Variants in GPC5 observed in about 807,000 individuals in gnomAD.
GPC5 encodes the protein glypican 5.
A neutral mutation model predicts 53.9 loss-of-function variants in GPC5; 47 were observed. The observed-to-expected ratio is 0.87, with a 90% CI of 0.69 to 1.11. The LOEUF is 1.11. Ranked by LOEUF, GPC5 falls within the 50% of genes most tolerant of loss-of-function variation. The pLI, the probability that GPC5 is intolerant of heterozygous loss-of-function variation, is 0.00. For missense variants in GPC5, 748 were observed against 713.1 expected (o/e 1.05, Z -0.56); for synonymous variants, 286 against 263.3 (o/e 1.09, Z -0.84).
chr13:91,488,993 G>C (rs496952), intron 2 of GPC5, among the ~76,000 whole-genome samples: 62,256 of 152,052 alleles, frequency 0.41, 14,370 homozygotes, highest in Non-Finnish European at 0.52. Flanking sequence ...CTGGTCTCCT[G>C]TAGCACTCCC....
chr13:92,131,806 C>T (rs549778551), intron 6 of GPC5, among the ~76,000 whole-genome samples: 2 of 151,782 alleles, frequency 1.3e-5, no homozygotes, highest in East Asian at 3.9e-4. Flanking sequence ...AAGGAGTATA[C>T]TTAAGATCTG....
intron 5 of GPC5, among the ~76,000 whole-genome samples, chr13:91,803,340 A>T (rs1430360740): frequency 6.6e-6 from 1 of 152,198 alleles, no homozygotes; most frequent in African/African-American, 2.4e-5. Flanking sequence ...TTGTATTTTA[A>T]TATTTTTGTA....
chr13:92,500,701 A>T (rs1036391283), intron 7 of GPC5, among the ~76,000 whole-genome samples: 2 of 152,174 alleles, frequency 1.3e-5, no homozygotes, highest in African/African-American at 4.8e-5. Context: ...CTATCCAAGG[A>T]AGAGGCATCA....
At chr13:91,974,409 A>C (rs1212469679) in intron 6 of GPC5, among the ~76,000 whole-genome samples, 2 of 152,124 alleles carry the variant, frequency 1.3e-5, no homozygotes, top group African/African-American at 4.8e-5. Context: ...CTGATAAGCA[A>C]CTTCAGCAAA....
chr13:91,512,202 C>T (rs1885266258), intron 2 of GPC5, among the ~76,000 whole-genome samples: 1 of 152,172 alleles, frequency 6.6e-6, no homozygotes, highest in Non-Finnish European at 1.5e-5. Flanking sequence ...TACCAAAGTT[C>T]ACGAGGCTAA....
intron 6 of GPC5, among the ~76,000 whole-genome samples, chr13:91,919,649 G>A (rs577136516): frequency 6.6e-6 from 1 of 152,054 alleles, no homozygotes; most frequent in African/African-American, 2.4e-5. Flanking sequence ...GCGAAAGACA[G>A]GCGTGTATTG....
chr13:92,254,774 A>G (rs1057179033), intron 7 of GPC5, among the ~76,000 whole-genome samples: 1 of 152,152 alleles, frequency 6.6e-6, no homozygotes, highest in African/African-American at 2.4e-5. Flanking sequence ...AAAGTCCCTT[A>G]TAAAACCATC....
chr13:91,841,285 T>C (rs1166237946), intron 5 of GPC5, among the ~76,000 whole-genome samples: 1 of 151,006 alleles, frequency 6.6e-6, no homozygotes, highest in Non-Finnish European at 1.5e-5. Context: ...ATGAATCATG[T>C]CATAAATTGA....
chr13:92,231,149 T>C (rs2042527094), intron 7 of GPC5, among the ~76,000 whole-genome samples: 1 of 152,184 alleles, frequency 6.6e-6, no homozygotes, highest in Non-Finnish European at 1.5e-5. Context: ...GTAAGTCATG[T>C]AAAGGATTTA....
intron 5 of GPC5, among the ~76,000 whole-genome samples, chr13:91,817,616 A>G (rs2038420752): frequency 6.6e-6 from 1 of 152,170 alleles, no homozygotes; most frequent in Admixed American, 6.5e-5. Context: ...ACCAAATACA[A>G]ACTGATGGGT....
At chr13:92,554,852 G>T (rs1174218101) in intron 7 of GPC5, among the ~76,000 whole-genome samples, 1 of 150,594 alleles carries the variant, frequency 6.6e-6, no homozygotes, top group Non-Finnish European at 1.5e-5. Flanking sequence ...AAAGAAATTT[G>T]TATGTATGAG....
In GPC5 at chr13:92,328,393, T is replaced by A. The variant is rs2043266705; in HGVS notation, c.1561+183404T>A. ...GATATAGAATCTGGGGTGATTCGAG[T>A]TTTTGTCTATTTCTAAGAGAACAAG... is the stretch of plus-strand genomic sequence containing the variant. On this transcript the variant is annotated intron_variant, in intron 7 of 7. Coordinates refer to ENST00000377067, the MANE Select transcript of GPC5 (RefSeq NM_004466.6). Among the ~76,000 whole-genome samples, 3 of 151,788 alleles carry A rather than the reference T, an allele frequency of 2.0e-5. No individual in the cohort carries two copies. In the South Asian group the frequency reaches 6.2e-4, roughly 32 times the overall value.
intron 7 of GPC5, among the ~76,000 whole-genome samples, chr13:92,673,641 C>A (rs978712444): frequency 1.3e-5 from 2 of 152,114 alleles, no homozygotes; most frequent in African/African-American, 2.4e-5. Flanking sequence ...CTTTGATGAA[C>A]CAACAGAAAT....
chr13:91,872,711 T>C (rs1301724129), intron 5 of GPC5, among the ~76,000 whole-genome samples: 2 of 152,290 alleles, frequency 1.3e-5, no homozygotes, highest in Admixed American at 6.5e-5. Flanking sequence ...CTAATGTCTA[T>C]GCACATTGAA....
chr13:92,248,470 A>G, intron 7 of GPC5, among the ~76,000 whole-genome samples: 1 of 152,194 alleles, frequency 6.6e-6, no homozygotes. Flanking sequence ...CATAACCTTC[A>G]GCAAGTTACT....
chr13:92,858,232 T>A (rs576958866), intron 7 of GPC5, among the ~76,000 whole-genome samples: 2 of 152,282 alleles, frequency 1.3e-5, no homozygotes, highest in East Asian at 3.9e-4. Flanking sequence ...GGTCTTTCTG[T>A]GCTGTTCTCA....
Position 91,552,250 on chromosome 13 carries a change from C to T in GPC5, c.325+103328C>T, listed in dbSNP as rs183275545. Among the ~76,000 whole-genome samples, 611 of 152,026 alleles carry T rather than the reference C, an allele frequency of 4.0e-3. 3 individuals are homozygous for T. The highest frequency in any genetic ancestry group is 0.01 in the Middle Eastern group (3 of 294). On this transcript the variant is annotated intron_variant, in intron 2 of 7. Coordinates refer to ENST00000377067, the MANE Select transcript of GPC5 (RefSeq NM_004466.6). Reference sequence around the variant, plus strand: ...TTGATTCCTTGTTGTTTTTTTCCACCTAAATTATCTTATTTGAAAAGCTTA... The same window carrying T: ...TTGATTCCTTGTTGTTTTTTTCCACTTAAATTATCTTATTTGAAAAGCTTA...
intron 5 of GPC5, among the ~76,000 whole-genome samples, chr13:91,829,678 G>A (rs1048118703): frequency 6.6e-6 from 1 of 151,936 alleles, no homozygotes; most frequent in East Asian, 1.9e-4. Context: ...TTTTCCCTAG[G>A]CATCAGCCAG....
intron 1 of GPC5, among the ~76,000 whole-genome samples, chr13:91,435,126 T>C (rs562175168): frequency 2.2e-4 from 33 of 152,336 alleles, no homozygotes; most frequent in African/African-American, 7.7e-4. Flanking sequence ...AATCATGTCA[T>C]CTGCAAACAG....
Sources: allele counts gnomAD v4.1 joint callset (sites outside exome capture counted in the v4.1 genomes callset), GRCh38; gene constraint gnomAD v4.1.1; transcripts MANE v1.5; gene names NCBI Gene and HGNC (gene_info 2026-07-23, HGNC 2026-07-21).